Variants in LRRC8D observed in about 807,000 individuals in gnomAD.
LRRC8D encodes the protein leucine rich repeat containing 8 VRAC subunit D.
A neutral mutation model predicts 55.8 loss-of-function variants in LRRC8D; 20 were observed. That is an observed-to-expected ratio of 0.36 (90% CI 0.25 to 0.52). The LOEUF is 0.52. LRRC8D is among the 20% of genes least tolerant of loss of function. The pLI, the probability that LRRC8D is intolerant of heterozygous loss-of-function variation, is 0.93. For synonymous variants in LRRC8D, 352 were observed against 377.0 expected (o/e 0.93, Z 0.77); for missense variants, 651 against 1,030.8 (o/e 0.63, Z 5.05).
chr1:89,884,720 G>A (rs145333733), intron 2 of LRRC8D, among the ~76,000 whole-genome samples: 86 of 152,314 alleles, frequency 5.6e-4, no homozygotes, highest in African/African-American at 2.0e-3. Flanking sequence ...CAGACTTGAT[G>A]TGACAATGGA....
At chr1:89,913,220 T>G (rs1387251056) in intron 2 of LRRC8D, among the ~76,000 whole-genome samples, 1 of 152,238 alleles carries the variant, frequency 6.6e-6, no homozygotes, top group East Asian at 1.9e-4. Flanking sequence ...GGTGGCCACA[T>G]CTGGCTGCAA....
At chr1:89,851,394 G>A (rs1387081421) in intron 2 of LRRC8D, among the ~76,000 whole-genome samples, 1 of 152,038 alleles carries the variant, frequency 6.6e-6, no homozygotes, top group African/African-American at 2.4e-5. Flanking sequence ...AGTTTAGTGG[G>A]TCTTATTCTT....
chr1:89,848,462 C>G (rs1490320140), intron 2 of LRRC8D, among the ~76,000 whole-genome samples: 1 of 152,080 alleles, frequency 6.6e-6, no homozygotes, highest in African/African-American at 2.4e-5. Flanking sequence ...TTGAATTAGT[C>G]TCTCTGATTT....
intron 1 of LRRC8D, among the ~76,000 whole-genome samples, chr1:89,840,286 A>C (rs1313472695): frequency 6.6e-6 from 1 of 152,228 alleles, no homozygotes; most frequent in African/African-American, 2.4e-5. Flanking sequence ...TTCTGCATGA[A>C]ACACAGAAGG....
intron 2 of LRRC8D, among the ~76,000 whole-genome samples, chr1:89,927,099 C>T (rs1415882815): frequency 1.3e-5 from 2 of 152,306 alleles, no homozygotes; most frequent in South Asian, 4.1e-4. Flanking sequence ...GTCCTTTGTA[C>T]TCCAGAGAAA....
intron 2 of LRRC8D, among the ~76,000 whole-genome samples, chr1:89,871,419 T>C (rs1352781152): frequency 6.6e-6 from 1 of 152,242 alleles, no homozygotes; most frequent in Non-Finnish European, 1.5e-5. Context: ...CATAGCGTTC[T>C]TTTGGGGTTC....
At chr1:89,925,189 A>G (rs924756741) in intron 2 of LRRC8D, among the ~76,000 whole-genome samples, 15 of 152,094 alleles carry the variant, frequency 9.9e-5, no homozygotes, top group African/African-American at 7.2e-5. Flanking sequence ...TGTGAACCCT[A>G]TTGTGAACTG....
chr1:89,843,385 G>C (rs1661184862), intron 1 of LRRC8D: 1 of 309,942 alleles, frequency 3.2e-6, no homozygotes, highest in Non-Finnish European at 5.8e-6. Flanking sequence ...GGCTGTGAGC[G>C]AGCGGGCGGG....
Position 89,922,873 on chromosome 1 carries a change from T to C in LRRC8D, c.-2-10194T>C, listed in dbSNP as rs2100976216. ...CTTTATTTTAACAGCTTTATGGAGA[T>C]AAAATTTACATACCATACAATTTAC... On this transcript the variant is annotated intron_variant, in intron 2 of 2. Transcript: ENST00000337338. 2.0e-5 allele frequency among the ~76,000 whole-genome samples: 3 copies of C among 152,332 alleles called. 1 individual carries two copies. The East Asian group carries it at 5.8e-4, about 29-fold the overall frequency.
chr1:89,915,818 G>T (rs1268675788), intron 2 of LRRC8D, among the ~76,000 whole-genome samples: 2 of 152,078 alleles, frequency 1.3e-5, no homozygotes, highest in African/African-American at 4.8e-5. Flanking sequence ...GTTATCTTGG[G>T]CCATTTTTTG....
chr1:89,842,303 G>A (rs1661156402), intron 1 of LRRC8D, among the ~76,000 whole-genome samples: 8 of 151,838 alleles, frequency 5.3e-5, no homozygotes. Flanking sequence ...GGAAAGACCT[G>A]TATTCAGTTC....
Position 89,933,952 on chromosome 1 carries a change from G to A in LRRC8D, c.884G>A (p.Arg295His), listed in dbSNP as rs1254031784. Residue 295 changes from arginine to histidine, a missense_variant, in exon 3 of 3, where the codon CGT becomes CAT. Around this residue, in one of 5 missense-constraint regions of LRRC8D, gnomAD observed 178 missense variants for 374.9 expected, o/e 0.47. Transcript: ENST00000337338. This position sits in a 1 kb window ranked among gnomAD's most constrained non-coding sequence, Gnocchi z 7.0. ...CTGTTTGAGAAAGTGAGGAAGTTCCGTGCCCATGTGGAAGATAGTGACTTG... is the reference window on the plus strand; with the variant it reads ...CTGTTTGAGAAAGTGAGGAAGTTCCATGCCCATGTGGAAGATAGTGACTTG... ...KALFEKVRKF[R>H]AHVEDSDLIY... 7 of 1,614,022 alleles carry A rather than the reference G, an allele frequency of 4.3e-6. No individual in the cohort carries two copies. The highest frequency in any genetic ancestry group is 5.9e-6 in the Non-Finnish European group (7 of 1,180,016).
At chr1:89,858,808 G>A (rs1661624958) in intron 2 of LRRC8D, among the ~76,000 whole-genome samples, 2 of 151,898 alleles carry the variant, frequency 1.3e-5, no homozygotes, top group South Asian at 4.1e-4. Flanking sequence ...AAAATTGTAG[G>A]CCTCCATTTT....
intron 2 of LRRC8D, among the ~76,000 whole-genome samples, chr1:89,874,674 A>G (rs1361534764): frequency 6.6e-6 from 1 of 152,200 alleles, no homozygotes; most frequent in Non-Finnish European, 1.5e-5. Context: ...TGTCATTATT[A>G]TCTAGCAATG....
chr1:89,851,070 G>GT (rs200321844), intron 2 of LRRC8D, among the ~76,000 whole-genome samples: 22,355 of 142,964 alleles, frequency 0.16, 1,911 homozygotes, highest in South Asian at 0.27. Flanking sequence ...GTTTTTTTGT[G>GT]TTTTTTTTTT....
intron 2 of LRRC8D, chr1:89,929,961 TGAATC>T (rs1663662052): frequency 6.6e-6 from 1 of 152,242 alleles, no homozygotes; most frequent in African/African-American, 2.4e-5. Context: ...CATAGTAGCA[TGAATC>T]CTATCATGAA....
intron 2 of LRRC8D, among the ~76,000 whole-genome samples, chr1:89,919,647 A>G (rs2816842): frequency 0.01 from 1,595 of 152,294 alleles, 16 homozygotes; most frequent in African/African-American, 0.037. Context: ...TAGGCGATAA[A>G]GTTGAACCAA....
At chr1:89,893,042 T>C (rs1662619863) in intron 2 of LRRC8D, among the ~76,000 whole-genome samples, 1 of 152,162 alleles carries the variant, frequency 6.6e-6, no homozygotes, top group African/African-American at 2.4e-5. Flanking sequence ...GTGCTGAGAA[T>C]AGAGTGTGAA....
chr1:89,909,753 C>A (rs1034755301), intron 2 of LRRC8D, among the ~76,000 whole-genome samples: 2 of 151,398 alleles, frequency 1.3e-5, no homozygotes, highest in African/African-American at 4.9e-5. Context: ...GTAGTCCCAG[C>A]TACTTAGGAG....
Sources: gnomAD v4.1 joint callset for allele counts (sites outside exome capture counted in the v4.1 genomes callset) on GRCh38, gnomAD v4.1.1 for gene constraint, gnomAD v4.1.1 regional missense constraint, Gnocchi (gnomAD v3.1) non-coding constraint, MANE v1.5 for transcripts, NCBI Gene and HGNC (gene_info 2026-07-23, HGNC 2026-07-21) for gene names.